Variants in HDAC5 observed in about 807,000 individuals in gnomAD.
HDAC5 encodes histone deacetylase 5, also known as antigen NY-CO-9.
In HDAC5, 25 loss-of-function variants were observed where a neutral mutation model predicts 133.3. That is an observed-to-expected ratio of 0.19 (90% CI 0.14 to 0.26). The LOEUF (loss-of-function observed/expected upper bound fraction) is 0.26, where lower values mean the gene tolerates loss of function less well. Among genes scored for constraint, HDAC5 ranks in the 10% least tolerant of loss-of-function variants. The probability of loss-of-function intolerance (pLI) is 1.00; values close to 1 mark genes in which losing one functional copy is unlikely to be tolerated. For synonymous variants in HDAC5, 589 were observed against 610.8 expected (o/e 0.96, Z 0.53); for missense variants, 1,041 against 1,460.5 (o/e 0.71, Z 4.68).
intron 2 of HDAC5, chr17:44,111,003 C>A: frequency 1.8e-6 from 1 of 570,148 alleles, no homozygotes; most frequent in Non-Finnish European, 3.2e-6. Flanking sequence ...GTGCCTCATC[C>A]GGCCTGGGCA....
intron 3 of HDAC5, among the ~76,000 whole-genome samples, chr17:44,107,588 A>G (rs1050313889): frequency 2.0e-4 from 30 of 148,150 alleles, no homozygotes; most frequent in African/African-American, 7.3e-4. Flanking sequence ...AGCCTGGGCA[A>G]AAGAGGGAGA....
rs906948663 is a variant in HDAC5 at position 44,077,538 on chromosome 17, C to G, written c.*838G>C. On this transcript the variant is annotated 3_prime_UTR_variant, in exon 27 of 27. Coordinates refer to ENST00000682912, the MANE Select transcript of HDAC5 (RefSeq NM_005474.5). ...GGGGGCTCTCACCAGCCTGGAGCCC[C>G]TCTGCAGGGACCACCTTCTCCCCTT... The G allele has an allele frequency of 6.6e-6, 1 of 152,294 alleles. No individual in the cohort carries two copies. Among genetic ancestry groups the G allele is most frequent in the African/African-American group, 2.4e-5 (1 of 41,450 alleles). 9.4% of individuals were successfully genotyped at this position (152,294 alleles called of 1,614,324 possible).
At chr17:44,102,481 C>A (rs892806288) in intron 3 of HDAC5, among the ~76,000 whole-genome samples, 18 of 152,294 alleles carry the variant, frequency 1.2e-4, no homozygotes, top group African/African-American at 4.1e-4. Flanking sequence ...CTGCCTCAGC[C>A]TCCTGAGTAG....
At chr17:44,100,108 A>G (rs1015552745) in intron 3 of HDAC5, among the ~76,000 whole-genome samples, 6 of 152,090 alleles carry the variant, frequency 3.9e-5, no homozygotes, top group African/African-American at 1.4e-4. Flanking sequence ...CTCCAAATAG[A>G]CGAGTGGCCC....
At chr17:44,081,496 A>T (rs2050387749) in intron 20 of HDAC5, 1 of 149,988 alleles carries the variant, frequency 6.7e-6, no homozygotes, top group Non-Finnish European at 1.5e-5. Context: ...CAGGTGATCC[A>T]CCCACCTCGG....
chr17:44,094,705 T>C (rs1427740945), intron 3 of HDAC5, among the ~76,000 whole-genome samples: 1 of 151,754 alleles, frequency 6.6e-6, no homozygotes, highest in Non-Finnish European at 1.5e-5. Flanking sequence ...CGACGCATTT[T>C]ATGTATCTGT....
Position 44,078,821 on chromosome 17 carries a change from G to A in HDAC5, c.3137C>T (p.Thr1046Met), listed in dbSNP as rs372616570. 5.1e-5 allele frequency: 83 copies of A among 1,614,004 alleles called. No individual in the cohort carries two copies. Among genetic ancestry groups the A allele is most frequent in the Non-Finnish European group, 6.3e-5 (74 of 1,180,020 alleles). The change falls in exon 25 of 27, where the codon ACG becomes ATG. Residue 1046 changes from threonine (T) to methionine (M), a missense_variant. Coordinates refer to ENST00000682912, the MANE Select transcript of HDAC5 (RefSeq NM_005474.5). The stretch of plus-strand genomic sequence containing the variant: ...CTGGATCTCGATGACTTTCTCTAGC[G>A]TGGCCACTGCGTTGATGTTGGGCTT... ...QQKPNINAVA[T>M]LEKVIEIQSK...
At chr17:44,080,647 G>A in intron 21 of HDAC5, 116 bp downstream of exon 21, 1 of 1,508,726 alleles carries the variant, frequency 6.6e-7, no homozygotes, top group South Asian at 1.2e-5. Context: ...CCCACTAGGA[G>A]CCCAGACTCC....
intron 14 of HDAC5, among the ~76,000 whole-genome samples, chr17:44,085,737 G>GGA (rs2143132268): frequency 6.6e-6 from 1 of 151,662 alleles, no homozygotes; most frequent in South Asian, 2.1e-4. Context: ...CCTGACCTCA[G>GGA]GTAATCCACC....
Position 44,078,494 on chromosome 17 carries a change from G to A in HDAC5, c.3329+6C>T, listed in dbSNP as rs1460619464. 6.2e-7 allele frequency: 1 copy of A among 1,603,354 alleles called. No individual in the cohort carries two copies. Among genetic ancestry groups the A allele is most frequent in the Admixed American group, 1.7e-5 (1 of 59,008 alleles). Reference sequence around the variant, plus strand: ...GGGCAGAGAGGTGGTGCGGGTTGCTGCTTACCTGGGGCTGTGTTCCCGGGC... The same window carrying A: ...GGGCAGAGAGGTGGTGCGGGTTGCTACTTACCTGGGGCTGTGTTCCCGGGC... On this transcript the variant is annotated splice_donor_region_variant and intron_variant, in intron 26 of 26. Coordinates refer to ENST00000682912, the MANE Select transcript of HDAC5 (RefSeq NM_005474.5).
At chr17:44,106,999 G>T (rs768758680) in intron 3 of HDAC5, among the ~76,000 whole-genome samples, 15 of 151,632 alleles carry the variant, frequency 9.9e-5, no homozygotes, top group Non-Finnish European at 1.9e-4. Flanking sequence ...GCCCAGGCTG[G>T]AATGCAGTGA....
chr17:44,105,044 T>C (rs1358277574), intron 3 of HDAC5, among the ~76,000 whole-genome samples: 2 of 152,178 alleles, frequency 1.3e-5, no homozygotes, highest in Admixed American at 6.5e-5. Flanking sequence ...GGAAAGGAGA[T>C]GGAGGACCCA....
chr17:44,083,109 GC>G (rs2050474382), intron 18 of HDAC5, among the ~76,000 whole-genome samples: 1 of 152,082 alleles, frequency 6.6e-6, no homozygotes. Flanking sequence ...CTCCTGAATA[GC>G]TAGGACTACA....
Position 44,078,583 on chromosome 17 carries a change from C to G in HDAC5, c.3246G>C (p.Glu1082Asp). Reference protein sequence around the residue: ...LREAQAGETEEAETVSAMALL... With the variant: ...LREAQAGETEDAETVSAMALL... ...AGGCCATGGCGCTCACAGTCTCGGC[C>G]TCCTCGGTCTCACCTGCTTGGGCCT... The change falls in exon 26 of 27, where the codon GAG becomes GAC. Residue 1082 changes from glutamate to aspartate, a missense_variant. Physicochemically the swap from Glu to Asp is conservative, Grantham distance 45. Coordinates refer to ENST00000682912, the MANE Select transcript of HDAC5 (RefSeq NM_005474.5). 6.2e-7 allele frequency: 1 copy of G among 1,610,308 alleles called. No homozygotes were observed. The highest frequency in any genetic ancestry group is 8.5e-7 in the Non-Finnish European group (1 of 1,179,986).
At chr17:44,102,712 A>C (rs936889253) in intron 3 of HDAC5, among the ~76,000 whole-genome samples, 4 of 128,758 alleles carry the variant, frequency 3.1e-5, no homozygotes, top group African/African-American at 1.2e-4. Flanking sequence ...GCCCAGCTGG[A>C]GTGCGGTGGG....
chr17:44,092,327 C>G (rs1597967286), intron 8 of HDAC5, 43 bp from the exon 9 acceptor site: 7 of 1,612,196 alleles, frequency 4.3e-6, no homozygotes, highest in Middle Eastern at 1.7e-4. Context: ...TGTGAACTAC[C>G]CCCGACCCCT....
At chr17:44,098,809 C>T in intron 3 of HDAC5, among the ~76,000 whole-genome samples, 1 of 150,608 alleles carries the variant, frequency 6.6e-6, no homozygotes. Context: ...AGAGCTCTGG[C>T]TAGCAAAGAG....
rs1298781321 is a variant in HDAC5 at position 44,120,659 on chromosome 17, T to C, written c.-190+2845A>G. On this transcript the variant is annotated intron_variant, in intron 1 of 26. Transcript: ENST00000682912. ...CGGGAGGCTGAGGCAGGAGAATCAC[T>C]CGAACCCTGGAGACAGAGGTGCGGT... 3 of 150,786 alleles carry C rather than the reference T, an allele frequency of 2.0e-5. No homozygotes were observed. In the East Asian group the frequency reaches 5.8e-4, roughly 29 times the overall value. The allele number at this position is 150,786 out of a possible 1,614,324, so 9.3% of individuals were successfully genotyped here. A position where few individuals can be genotyped will look rare whatever the true frequency, so the allele number is the denominator to read the frequency against.
At chr17:44,121,801 T>C (rs536575993) in intron 1 of HDAC5, among the ~76,000 whole-genome samples, 84 of 151,992 alleles carry the variant, frequency 5.5e-4, no homozygotes, top group Non-Finnish European at 1.1e-3. Flanking sequence ...TAGGAGGATA[T>C]ATTGGAAAAG....
Sources: gnomAD v4.1 joint callset for allele counts (sites outside exome capture counted in the v4.1 genomes callset) on GRCh38, gnomAD v4.1.1 for gene constraint, MANE v1.5 for transcripts, NCBI Gene and HGNC (gene_info 2026-07-23, HGNC 2026-07-21) for gene names.